ZFHX3: variants seen among roughly 807,000 people sequenced by gnomAD.
The protein encoded by ZFHX3 is zinc finger homeobox protein 3.
A neutral mutation model predicts 279.1 loss-of-function variants in ZFHX3; 42 were observed. The ratio of observed to expected loss-of-function variants is 0.15; its 90% confidence interval spans 0.12 to 0.19. ZFHX3 has a LOEUF of 0.19. ZFHX3 is among the 10% of genes least tolerant of loss of function. The pLI is 1.00. For synonymous variants in ZFHX3, 2,293 were observed against 1,957.8 expected, an observed-to-expected ratio of 1.17 and a Z score of -4.52; for missense variants, 4,981 against 4,754.0, an observed-to-expected ratio of 1.05 and a Z score of -1.40.
intron 2 of ZFHX3, among the ~76,000 whole-genome samples, chr16:73,509,202 C>T (rs1031669830): frequency 5.9e-5 from 9 of 152,118 alleles, no homozygotes; most frequent in East Asian, 1.9e-4. Flanking sequence ...TTGACAATTA[C>T]GTTCTTTCTT....
intron 5 of ZFHX3, among the ~76,000 whole-genome samples, chr16:73,249,101 AG>A (rs2013401927): frequency 2.0e-5 from 3 of 152,294 alleles, no homozygotes; most frequent in Admixed American, 2.0e-4. Context: ...AATCTATTTC[AG>A]TTGCATTATT....
Position 72,862,899 on chromosome 16 carries a change from T to C in ZFHX3, c.3448+26832A>G, listed in dbSNP as rs77186626. 2.0e-3 allele frequency among the ~76,000 whole-genome samples: 308 copies of C among 152,226 alleles called. 7 individuals are homozygous for C. The East Asian group carries it at 0.045, about 22-fold the overall frequency. The stretch of plus-strand genomic sequence containing the variant: ...GACTTTAGAGACATATCAATTCATG[T>C]AATGTGAACACCATGTTGGCATCTG... On this transcript the variant is annotated intron_variant, in intron 4 of 9. Coordinates refer to ENST00000268489, the MANE Select transcript of ZFHX3 (RefSeq NM_006885.4).
At chr16:73,176,682 A>G in intron 5 of ZFHX3, among the ~76,000 whole-genome samples, 1 of 144,906 alleles carries the variant, frequency 6.9e-6, no homozygotes, top group East Asian at 2.0e-4. Flanking sequence ...TCCCTTTACC[A>G]TTCTCCAGAA....
Position 72,785,847 on chromosome 16 carries a change from TAAA to T in ZFHX3, c.*1314_*1316del, listed in dbSNP as rs968875723. ...AAAAAAAAGCCAAAAGAAGGATAAA[TAAA>T]AAATAAATGCACAAAGCTAACAGAC... is the stretch of plus-strand genomic sequence containing the variant. On this transcript the variant is annotated 3_prime_UTR_variant, in exon 10 of 10. Transcript: ENST00000268489. 6.6e-6 allele frequency: 1 copy of T among 151,484 alleles called. No individual in the cohort carries two copies. The highest frequency in any genetic ancestry group is 2.4e-5 in the African/African-American group (1 of 41,220). 9.4% of individuals were successfully genotyped at this position (151,484 alleles called of 1,614,324 possible). A position where few individuals can be genotyped will look rare whatever the true frequency, so the allele number is the denominator to read the frequency against.
chr16:72,939,007 T>C (rs1367393631), intron 3 of ZFHX3, among the ~76,000 whole-genome samples: 2 of 138,468 alleles, frequency 1.4e-5, no homozygotes, highest in Non-Finnish European at 3.2e-5. Context: ...CTGACTCATG[T>C]CTAGGACACA....
At chr16:73,209,947 T>C (rs1223647499) in intron 5 of ZFHX3, among the ~76,000 whole-genome samples, 1 of 152,198 alleles carries the variant, frequency 6.6e-6, no homozygotes, top group Non-Finnish European at 1.5e-5. Context: ...CAAAAAGCTA[T>C]ACATGTTCTT....
chr16:73,034,387 T>C (rs1027060363), intron 1 of ZFHX3, among the ~76,000 whole-genome samples: 4 of 152,214 alleles, frequency 2.6e-5, no homozygotes, highest in African/African-American at 9.6e-5. Flanking sequence ...AACTCTCATC[T>C]TGGGGGGCAC....
chr16:73,006,950 G>A (rs919932180), intron 1 of ZFHX3, among the ~76,000 whole-genome samples: 5 of 152,126 alleles, frequency 3.3e-5, no homozygotes, highest in Non-Finnish European at 5.9e-5. Flanking sequence ...AAAGGCTGTC[G>A]AGTCCACAGG....
chr16:73,584,571 A>C (rs150227569), intron 2 of ZFHX3, among the ~76,000 whole-genome samples: 17 of 152,344 alleles, frequency 1.1e-4, no homozygotes, highest in Non-Finnish European at 2.2e-4. Context: ...ACAGCTTGCC[A>C]ACATCAGGGC....
chr16:72,848,433 G>T (rs2037531709), intron 4 of ZFHX3, among the ~76,000 whole-genome samples: 2 of 152,058 alleles, frequency 1.3e-5, no homozygotes, highest in Non-Finnish European at 2.9e-5. Flanking sequence ...TCCACAAGGG[G>T]TCTCTGAGGG....
intron 1 of ZFHX3, among the ~76,000 whole-genome samples, chr16:73,735,905 T>TG (rs755533323): frequency 1.4e-5 from 2 of 147,286 alleles, no homozygotes; most frequent in Non-Finnish European, 3.0e-5. Flanking sequence ...TTTTTTTTTT[T>TG]TTTTTTTTTT....
chr16:73,572,392 C>A (rs1466613440), intron 2 of ZFHX3, among the ~76,000 whole-genome samples: 1 of 152,134 alleles, frequency 6.6e-6, no homozygotes, highest in African/African-American at 2.4e-5. Flanking sequence ...CCTTGAAGGA[C>A]AAAGTAAGAA....
chr16:73,210,980 A>G (rs893928939), intron 5 of ZFHX3, among the ~76,000 whole-genome samples: 3 of 152,252 alleles, frequency 2.0e-5, no homozygotes, highest in Non-Finnish European at 4.4e-5. Context: ...TCCCATTAAG[A>G]CTGAATGGTA....
intron 1 of ZFHX3, among the ~76,000 whole-genome samples, chr16:73,882,146 G>A (rs1036038355): frequency 2.6e-5 from 4 of 152,098 alleles, no homozygotes; most frequent in Admixed American, 1.3e-4. Context: ...CCCCCAAACT[G>A]ATCAATAATG....
chr16:73,561,517 C>T (rs2020369125), intron 2 of ZFHX3, among the ~76,000 whole-genome samples: 1 of 152,110 alleles, frequency 6.6e-6, no homozygotes, highest in African/African-American at 2.4e-5. Flanking sequence ...CTTTAAAATG[C>T]TCCACCATAT....
chr16:73,375,217 C>T (rs963063003), intron 3 of ZFHX3, among the ~76,000 whole-genome samples: 2 of 152,118 alleles, frequency 1.3e-5, no homozygotes, highest in African/African-American at 4.8e-5. Flanking sequence ...CATATTTGAT[C>T]TGTGCATTTC....
intron 4 of ZFHX3, among the ~76,000 whole-genome samples, chr16:72,830,273 C>G (rs1348148210): frequency 5.9e-5 from 9 of 152,234 alleles, no homozygotes; most frequent in Admixed American, 2.6e-4. Context: ...GCTCCATTCC[C>G]AAAGCCTCCT....
intron 3 of ZFHX3, among the ~76,000 whole-genome samples, chr16:73,386,542 C>G (rs867341627): frequency 6.6e-6 from 1 of 152,082 alleles, no homozygotes; most frequent in African/African-American, 2.4e-5. Flanking sequence ...ATTGTTTTAG[C>G]CTCCTGGAGG....
At chr16:73,741,542 T>G (rs946898368) in intron 1 of ZFHX3, among the ~76,000 whole-genome samples, 3 of 152,120 alleles carry the variant, frequency 2.0e-5, no homozygotes, top group South Asian at 2.1e-4. Flanking sequence ...CTATTGTACT[T>G]CAGCCAACTC....
Sources: allele counts gnomAD v4.1 joint callset (sites outside exome capture counted in the v4.1 genomes callset), GRCh38; gene constraint gnomAD v4.1.1; transcripts MANE v1.5; gene names NCBI Gene and HGNC (gene_info 2026-07-23, HGNC 2026-07-21).